The following PTPRD variants were observed in gnomAD, a reference collection of about 807,000 sequenced individuals.
PTPRD encodes receptor-type tyrosine-protein phosphatase delta.
In PTPRD, 34 loss-of-function variants were observed where a neutral mutation model predicts 214.5. The ratio of observed to expected loss-of-function variants is 0.16; its 90% CI spans 0.12 to 0.21. The LOEUF is 0.21. Among genes scored for constraint, PTPRD ranks in the 10% least tolerant of loss-of-function variants. The pLI is 1.00. For missense variants in PTPRD, 2,545 were observed against 2,398.7 expected (o/e 1.06, Z -1.27); for synonymous variants, 1,128 against 845.7 (o/e 1.33, Z -5.79).
At chr9:10,277,975 G>A (rs2094821510) in intron 3 of PTPRD, among the ~76,000 whole-genome samples, 3 of 152,012 alleles carry the variant, frequency 2.0e-5, no homozygotes, top group African/African-American at 7.2e-5. Context: ...TGGCTAACGA[G>A]GGAGAAAACC....
At chr9:10,351,754 T>C (rs1360002438) in intron 2 of PTPRD, among the ~76,000 whole-genome samples, 1 of 151,972 alleles carries the variant, frequency 6.6e-6, no homozygotes, top group Non-Finnish European at 1.5e-5. Context: ...CTCTGTTTCT[T>C]AATTTCCTAA....
intron 43 of PTPRD, among the ~76,000 whole-genome samples, chr9:8,337,889 A>C (rs1490811596): frequency 1.3e-5 from 2 of 150,462 alleles, no homozygotes; most frequent in Non-Finnish European, 3.0e-5. Flanking sequence ...TTTTTTTTTA[A>C]ACGGTGGGGC....
intron 2 of PTPRD, among the ~76,000 whole-genome samples, chr9:10,459,751 T>C (rs543586427): frequency 3.3e-4 from 50 of 152,174 alleles, no homozygotes; most frequent in African/African-American, 1.1e-3. Context: ...TTGATGGGAT[T>C]GTTTTTTCTT....
chr9:10,483,088 A>AC (rs2099111022), intron 2 of PTPRD, among the ~76,000 whole-genome samples: 1 of 152,204 alleles, frequency 6.6e-6, no homozygotes. Context: ...AAGCAGATAC[A>AC]CAGATCAATG....
At chr9:9,132,884 G>C (rs937954922) in intron 10 of PTPRD, among the ~76,000 whole-genome samples, 1 of 152,148 alleles carries the variant, frequency 6.6e-6, no homozygotes, top group African/African-American at 2.4e-5. Context: ...ATAAAAGAAG[G>C]AGAATGTGTT....
chr9:9,674,713 T>C (rs776329973), intron 7 of PTPRD, among the ~76,000 whole-genome samples: 16 of 151,802 alleles, frequency 1.1e-4, no homozygotes, highest in Non-Finnish European at 8.9e-5. Flanking sequence ...GTTAGGGTAA[T>C]AAAATGTCAC....
At chr9:10,003,249 A>G (rs1289197083) in intron 4 of PTPRD, among the ~76,000 whole-genome samples, 1 of 151,736 alleles carries the variant, frequency 6.6e-6, no homozygotes, top group East Asian at 1.9e-4. Context: ...TACTGGATCT[A>G]TGGAGATGAT....
intron 35 of PTPRD, among the ~76,000 whole-genome samples, chr9:8,425,196 C>G (rs977644750): frequency 2.6e-5 from 4 of 152,196 alleles, no homozygotes; most frequent in African/African-American, 9.7e-5. Flanking sequence ...AGGCTCTAGG[C>G]AGCCTTGTTC....
intron 3 of PTPRD, among the ~76,000 whole-genome samples, chr9:10,278,011 T>A (rs2094824313): frequency 6.6e-6 from 1 of 151,778 alleles, no homozygotes. Flanking sequence ...ATACAAAAAA[T>A]TGGCCGGGTG....
At chr9:9,019,847 G>C (rs1283888370) in intron 10 of PTPRD, among the ~76,000 whole-genome samples, 1 of 152,062 alleles carries the variant, frequency 6.6e-6, no homozygotes, top group African/African-American at 2.4e-5. Flanking sequence ...CACCGATGTT[G>C]GCATTTTCTC....
chr9:9,301,521 G>A (rs1283452486), intron 9 of PTPRD, among the ~76,000 whole-genome samples: 1 of 151,826 alleles, frequency 6.6e-6, no homozygotes, highest in Admixed American at 6.6e-5. Flanking sequence ...ACTGCATCAA[G>A]CTACTAATTC....
chr9:10,211,629 T>G (rs10958948), intron 3 of PTPRD, among the ~76,000 whole-genome samples: 10,416 of 152,142 alleles, frequency 0.068, 847 homozygotes, highest in East Asian at 0.35. Flanking sequence ...TAAATAGAAA[T>G]TACATAATGT....
chr9:10,338,641 T>C (rs1597451114), intron 3 of PTPRD, among the ~76,000 whole-genome samples: 1 of 151,876 alleles, frequency 6.6e-6, no homozygotes, highest in East Asian at 1.9e-4. Flanking sequence ...TGTCAAACCT[T>C]ATATATAGAA....
intron 44 of PTPRD, among the ~76,000 whole-genome samples, chr9:8,329,041 A>AACTC (rs2131388696): frequency 6.6e-6 from 1 of 152,202 alleles, no homozygotes; most frequent in East Asian, 1.9e-4. Context: ...CAATTTATCA[A>AACTC]ACTCATTCTC....
intron 2 of PTPRD, among the ~76,000 whole-genome samples, chr9:10,469,929 T>C (rs943613756): frequency 4.5e-4 from 68 of 150,160 alleles, no homozygotes; most frequent in Admixed American, 1.4e-3. Context: ...ATGTACTCAC[T>C]CATATGTGAG....
At chr9:9,931,632 C>T (rs543629381) in intron 5 of PTPRD, among the ~76,000 whole-genome samples, 169 of 151,668 alleles carry the variant, frequency 1.1e-3, no homozygotes, top group Middle Eastern at 3.4e-3. Context: ...AACTGCAAGA[C>T]GGCAACGAGG....
intron 9 of PTPRD, among the ~76,000 whole-genome samples, chr9:9,300,812 T>A (rs990546591): frequency 6.6e-6 from 1 of 151,908 alleles, no homozygotes; most frequent in Non-Finnish European, 1.5e-5. Context: ...TGGTATTTTG[T>A]TATATCAATC....
intron 3 of PTPRD, among the ~76,000 whole-genome samples, chr9:10,067,548 G>T (rs1259059439): frequency 9.2e-5 from 14 of 151,838 alleles, no homozygotes; most frequent in Admixed American, 9.2e-4. Context: ...TGACTGCTTT[G>T]CACTTACATA....
At chr9:9,273,264 C>T (rs2132964156) in intron 9 of PTPRD, among the ~76,000 whole-genome samples, 1 of 151,318 alleles carries the variant, frequency 6.6e-6, no homozygotes, top group South Asian at 2.1e-4. Context: ...AACTATCAGG[C>T]ATTTATTTTG....
Sources: gnomAD v4.1 joint callset for allele counts (sites outside exome capture counted in the v4.1 genomes callset) on GRCh38, gnomAD v4.1.1 for gene constraint, MANE v1.5 for transcripts, NCBI Gene and HGNC (gene_info 2026-07-23, HGNC 2026-07-21) for gene names.